AGO2: variants seen among roughly 807,000 people sequenced by gnomAD.
The protein encoded by AGO2 is protein argonaute-2.
In AGO2, 5 loss-of-function variants were observed where a neutral mutation model predicts 102.3. That is an observed-to-expected ratio of 0.05 (90% CI 0.03 to 0.10). The LOEUF (loss-of-function observed/expected upper bound fraction) is 0.10, where lower values mean the gene tolerates loss of function less well. Among genes scored for constraint, AGO2 ranks in the 10% least tolerant of loss-of-function variants. The pLI is 1.00. For missense variants in AGO2, 541 were observed against 1,183.7 expected, an observed-to-expected ratio of 0.46 and a Z score of 7.97; for synonymous variants, 449 against 473.1, an observed-to-expected ratio of 0.95 and a Z score of 0.66.
intron 3 of AGO2, among the ~76,000 whole-genome samples, chr8:140,564,012 C>T (rs567856365): frequency 9.2e-5 from 14 of 152,120 alleles, no homozygotes; most frequent in South Asian, 2.1e-4. Context: ...CTCTGGCAGA[C>T]GCCCACGAGC....
intron 1 of AGO2, among the ~76,000 whole-genome samples, chr8:140,611,402 A>G (rs1266439328): frequency 6.6e-6 from 1 of 150,508 alleles, no homozygotes; most frequent in Non-Finnish European, 1.5e-5. Context: ...ATCTCAATTC[A>G]CTGCAACCTC....
chr8:140,562,829 T>G lies in AGO2; in HGVS notation c.337-195A>C, dbSNP rs551074370. Among the ~76,000 whole-genome samples the G allele has an allele frequency of 2.0e-5, 3 of 152,328 alleles. No individual in the cohort carries two copies. The East Asian group carries it at 5.8e-4, about 29-fold the overall frequency. ...AACTGAATTTTAAACTTTATTCACTTACTTTTGATGAATTTAAATGTACAG... is the reference window on the plus strand; with the variant it reads ...AACTGAATTTTAAACTTTATTCACTGACTTTTGATGAATTTAAATGTACAG... On this transcript the variant is annotated intron_variant, in intron 3 of 18. Coordinates refer to ENST00000220592, the MANE Select transcript of AGO2 (RefSeq NM_012154.5).
Sources: gnomAD v4.1 joint callset for allele counts (sites outside exome capture counted in the v4.1 genomes callset) on GRCh38, gnomAD v4.1.1 for gene constraint, MANE v1.5 for transcripts, NCBI Gene and HGNC (gene_info 2026-07-23, HGNC 2026-07-21) for gene names.